Variants in NTM observed in about 807,000 individuals in gnomAD.
The protein encoded by NTM is IgLON family member 2.
Under a neutral mutation model 42.1 loss-of-function variants are expected in NTM, and 13 were observed. That is an observed-to-expected ratio of 0.31 (90% confidence interval 0.20 to 0.49). The LOEUF is 0.49. Among genes scored for constraint, NTM ranks in the 20% least tolerant of loss-of-function variants. NTM has a pLI of 0.99. For synonymous variants in NTM, 187 were observed against 179.2 expected, an observed-to-expected ratio of 1.04 and a Z score of -0.35; for missense variants, 373 against 452.8, an observed-to-expected ratio of 0.82 and a Z score of 1.60.
intron 3 of NTM, among the ~76,000 whole-genome samples, chr11:132,156,046 C>T (rs577252654): frequency 1.3e-5 from 2 of 152,242 alleles, no homozygotes; most frequent in African/African-American, 4.8e-5. Context: ...TTTCAGCTCC[C>T]GACTGTTAGA....
chr11:132,173,126 C>T (rs1332386701), intron 3 of NTM, among the ~76,000 whole-genome samples: 1 of 152,170 alleles, frequency 6.6e-6, no homozygotes, highest in Non-Finnish European at 1.5e-5. Context: ...GGAAATAACA[C>T]CATGTCAATC....
At chr11:131,899,032 T>A (rs79629597) in intron 1 of NTM, among the ~76,000 whole-genome samples, 1 of 152,078 alleles carries the variant, frequency 6.6e-6, no homozygotes, top group Non-Finnish European at 1.5e-5. Context: ...CGGGGATGCA[T>A]TGAGGTGGCT....
At chr11:131,647,245 C>T (rs1430960191) in intron 1 of NTM, among the ~76,000 whole-genome samples, 1 of 152,162 alleles carries the variant, frequency 6.6e-6, no homozygotes, top group Non-Finnish European at 1.5e-5. Context: ...AAAATATGAA[C>T]CCTGAGCAAA....
intron 1 of NTM, among the ~76,000 whole-genome samples, chr11:131,728,880 G>C (rs1224401298): frequency 6.6e-6 from 1 of 152,158 alleles, no homozygotes; most frequent in Non-Finnish European, 1.5e-5. Flanking sequence ...CAACTCATTA[G>C]TGTACAAAAA....
chr11:131,477,578 T>A (rs1004354640), intron 1 of NTM, among the ~76,000 whole-genome samples: 8 of 151,992 alleles, frequency 5.3e-5, no homozygotes, highest in Non-Finnish European at 1.0e-4. Flanking sequence ...GCTTGAATGT[T>A]GGTGTCCAGT....
At chr11:132,235,982 G>A (rs1350251690) in intron 4 of NTM, among the ~76,000 whole-genome samples, 1 of 125,622 alleles carries the variant, frequency 8.0e-6, no homozygotes, top group African/African-American at 2.9e-5. Flanking sequence ...TTTTTGACAG[G>A]CACACACACA....
chr11:131,632,381 G>C (rs1438675748), intron 1 of NTM, among the ~76,000 whole-genome samples: 2 of 152,020 alleles, frequency 1.3e-5, no homozygotes, highest in Non-Finnish European at 2.9e-5. Flanking sequence ...CTTAGGTCTT[G>C]GATCCATAGT....
chr11:131,619,070 T>C (rs984529300), intron 1 of NTM, among the ~76,000 whole-genome samples: 2 of 152,054 alleles, frequency 1.3e-5, no homozygotes, highest in Non-Finnish European at 2.9e-5. Flanking sequence ...AACAAAAAGA[T>C]GTGAAGAGCT....
At chr11:131,942,514 C>A (rs138736147) in intron 2 of NTM, among the ~76,000 whole-genome samples, 18 of 152,222 alleles carry the variant, frequency 1.2e-4, no homozygotes, top group African/African-American at 4.1e-4. Flanking sequence ...TTTCTCTGGG[C>A]CTGGAAGGGG....
At chr11:131,605,950 T>C in intron 1 of NTM, 1 of 894,124 alleles carries the variant, frequency 1.1e-6, no homozygotes, top group Non-Finnish European at 1.3e-6. Flanking sequence ...ATTGTAAATA[T>C]TCTTTCACTA....
intron 1 of NTM, among the ~76,000 whole-genome samples, chr11:131,568,391 GAAGCTAAGGCTTAGAA>G: frequency 6.6e-6 from 1 of 152,286 alleles, no homozygotes; most frequent in South Asian, 2.1e-4. Flanking sequence ...CACAAGTGGG[GAAGCTAAGGCTTAGAA>G]AAGCTAAGCT....
intron 3 of NTM, among the ~76,000 whole-genome samples, chr11:132,162,232 G>A (rs2074440786): frequency 6.7e-6 from 1 of 150,220 alleles, no homozygotes. Context: ...TGTGTTTATG[G>A]GGAGTGTGTA....
rs574346706 is a variant in NTM, at chr11:132,211,716, T to A, written c.401-306T>A. 2.0e-5 allele frequency: 5 copies of A among 253,868 alleles called. No homozygotes were observed. In the East Asian group the frequency reaches 5.1e-4, roughly 26 times the overall value. 15.7% of individuals were successfully genotyped at this position (253,868 alleles called of 1,614,324 possible). ...GTGTGGAGGATGGCTCGTGGATATGTGTTGGAGGTGGGTGGGGGTGAGTGG... is the reference window on the plus strand; with the variant it reads ...GTGTGGAGGATGGCTCGTGGATATGAGTTGGAGGTGGGTGGGGGTGAGTGG... On this transcript the variant is annotated intron_variant, in intron 3 of 8. Transcript: ENST00000683400.
intron 2 of NTM, among the ~76,000 whole-genome samples, chr11:131,931,443 A>AT (rs1445731664): frequency 1.1e-3 from 162 of 148,860 alleles, no homozygotes; most frequent in African/African-American, 2.8e-3. Flanking sequence ...TGCCTCAAAA[A>AT]AAAAAATAAT....
chr11:132,328,607 G>T (rs1425337808), intron 7 of NTM, among the ~76,000 whole-genome samples: 1 of 152,010 alleles, frequency 6.6e-6, no homozygotes, highest in Non-Finnish European at 1.5e-5. Flanking sequence ...CCTTCCTCCA[G>T]CACAGTCTGA....
At chr11:131,844,362 A>T (rs1005776540) in intron 1 of NTM, among the ~76,000 whole-genome samples, 1 of 152,192 alleles carries the variant, frequency 6.6e-6, no homozygotes, top group East Asian at 1.9e-4. Context: ...CCCATTCCAC[A>T]CTACCTTAAT....
rs571997770 is a variant in NTM at position 131,786,974 on chromosome 11, T to C, written c.83-124590T>C. Among the ~76,000 whole-genome samples, 90 of 151,726 alleles carry C rather than the reference T, an allele frequency of 5.9e-4. 1 individual carries two copies. The South Asian group carries it at 0.018, about 30-fold the overall frequency. On this transcript the variant is annotated intron_variant, in intron 1 of 8. Coordinates refer to ENST00000683400, the MANE Select transcript of NTM (RefSeq NM_001352005.2). ...GAATTATATAAACTCTGGCTTCCTA[T>C]AAACATCCATGCATATGCTATTTTG...
At chr11:131,778,286 T>G (rs943854366) in intron 1 of NTM, among the ~76,000 whole-genome samples, 13 of 152,248 alleles carry the variant, frequency 8.5e-5, no homozygotes, top group Non-Finnish European at 1.9e-4. Flanking sequence ...GGCTTCCACA[T>G]TTGAATGATT....
At chr11:131,883,752 C>T (rs1204154873) in intron 1 of NTM, among the ~76,000 whole-genome samples, 1 of 152,084 alleles carries the variant, frequency 6.6e-6, no homozygotes, top group African/African-American at 2.4e-5. Flanking sequence ...GCGTGGTTTC[C>T]CTACTCCTTC....
Sources: gnomAD v4.1 joint callset for allele counts (sites outside exome capture counted in the v4.1 genomes callset) on GRCh38, gnomAD v4.1.1 for gene constraint, MANE v1.5 for transcripts, NCBI Gene and HGNC (gene_info 2026-07-23, HGNC 2026-07-21) for gene names.